The following IDE variants were observed in gnomAD, a reference collection of about 807,000 sequenced individuals.
The protein encoded by IDE is insulin degrading enzyme, also known as insulin-degrading enzyme.
Under a neutral mutation model 133.2 loss-of-function variants are expected in IDE, and 58 were observed. That is an observed-to-expected ratio of 0.44 (90% CI 0.35 to 0.54). IDE has a LOEUF of 0.54. Ranked by LOEUF, IDE falls within the 20% of genes least tolerant of loss-of-function variation. IDE has a pLI of 0.00. For synonymous variants in IDE, 396 were observed against 421.3 expected (o/e 0.94, Z 0.73); for missense variants, 981 against 1,234.0 (o/e 0.79, Z 3.07).
intron 6 of IDE, 31 bp downstream of exon 6, chr10:92,510,019 G>A: frequency 1.8e-6 from 2 of 1,093,722 alleles, no homozygotes; most frequent in African/African-American, 1.6e-5. Context: ...CATAAATTAA[G>A]AAGACAAAAT....
chr10:92,507,141 A>C (rs965319088), intron 9 of IDE, among the ~76,000 whole-genome samples: 2 of 152,154 alleles, frequency 1.3e-5, no homozygotes, highest in African/African-American at 2.4e-5. Flanking sequence ...CCATACATAC[A>C]ATAATAAAAT....
chr10:92,515,686 C>G (rs1179575316), intron 4 of IDE, among the ~76,000 whole-genome samples: 2 of 150,038 alleles, frequency 1.3e-5, no homozygotes. Flanking sequence ...CTCTGCCTCT[C>G]TAGTAGCTGG....
intron 8 of IDE, 44 bp from the exon 9 acceptor site, chr10:92,507,710 C>G (rs1306527127): frequency 2.8e-6 from 3 of 1,062,224 alleles, no homozygotes; most frequent in East Asian, 2.4e-5. Context: ...GTCCTTGAAT[C>G]CTTCAAAGCA....
chr10:92,567,080 G>T (rs1268130290), intron 1 of IDE, among the ~76,000 whole-genome samples: 1 of 152,122 alleles, frequency 6.6e-6, no homozygotes, highest in Non-Finnish European at 1.5e-5. Flanking sequence ...ATTCCCTTGG[G>T]TATTTAAGGA....
chr10:92,471,380 T>C (rs1488101460), intron 17 of IDE, among the ~76,000 whole-genome samples: 1 of 152,236 alleles, frequency 6.6e-6, no homozygotes, highest in Non-Finnish European at 1.5e-5. Context: ...ACAGATGTTA[T>C]CTTTCACACT....
At chr10:92,526,720 C>T (rs1211734830) in intron 4 of IDE, among the ~76,000 whole-genome samples, 1 of 151,708 alleles carries the variant, frequency 6.6e-6, no homozygotes, top group Non-Finnish European at 1.5e-5. Flanking sequence ...GTAGTGTGTG[C>T]GTGTAGTCTC....
intron 1 of IDE, among the ~76,000 whole-genome samples, chr10:92,543,560 T>C (rs1421024757): frequency 6.6e-6 from 1 of 152,216 alleles, no homozygotes; most frequent in Non-Finnish European, 1.5e-5. Flanking sequence ...TTTGCCTTTG[T>C]GCCAGGCAGA....
Position 92,506,500 on chromosome 10 carries a change from C to A in IDE, c.1268G>T (p.Arg423Met), listed in dbSNP as rs929965117. ...CCGTGGCCTCTCTTTGTCTTTAAAC[C>A]TAAAAGCAACAGCATTCAAGTCCTA... is the stretch of plus-strand genomic sequence containing the variant. Reference protein sequence around the residue: ...ECKDLNAVAFRFKDKERPRGY... With the variant: ...ECKDLNAVAFMFKDKERPRGY... Residue 423 changes from arginine to methionine, a missense_variant, in exon 10 of 25, where the codon AGG (arginine) becomes ATG (methionine). Coordinates refer to ENST00000265986, the MANE Select transcript of IDE (RefSeq NM_004969.4). 6.3e-7 allele frequency: 1 copy of A among 1,580,524 alleles called. No individual in the cohort carries two copies. Among genetic ancestry groups the A allele is most frequent in the Non-Finnish European group, 8.7e-7 (1 of 1,151,412 alleles).
chr10:92,498,650 G>A (rs564064655), intron 11 of IDE, among the ~76,000 whole-genome samples: 40 of 152,242 alleles, frequency 2.6e-4, no homozygotes, highest in African/African-American at 9.4e-4. Context: ...CCAGCTACTC[G>A]GGAGGCTGAG....
intron 1 of IDE, among the ~76,000 whole-genome samples, chr10:92,556,900 G>A (rs1458848257): frequency 1.4e-5 from 2 of 147,800 alleles, no homozygotes; most frequent in Non-Finnish European, 3.0e-5. Context: ...CTCCACCTGG[G>A]CTACAGAGTG....
intron 1 of IDE, among the ~76,000 whole-genome samples, chr10:92,553,733 G>GA (rs1015397579): frequency 1.8e-4 from 27 of 152,118 alleles, no homozygotes; most frequent in African/African-American, 6.3e-4. Context: ...GAAAAATCTA[G>GA]AAAAAATGGA....
chr10:92,502,466 C>A (rs1346075541), intron 11 of IDE, among the ~76,000 whole-genome samples: 1 of 151,948 alleles, frequency 6.6e-6, no homozygotes, highest in East Asian at 1.9e-4. Flanking sequence ...TATAGATATG[C>A]AGTTGATTTT....
chr10:92,485,105 T>TTTTC (rs202132611), intron 13 of IDE, among the ~76,000 whole-genome samples: 11 of 141,762 alleles, frequency 7.8e-5, no homozygotes, highest in South Asian at 2.2e-4. Context: ...GGTTGTTTCT[T>TTTTC]TTTCTTTCTT....
chr10:92,542,353 C>T (rs1842348925), intron 1 of IDE, among the ~76,000 whole-genome samples: 1 of 152,222 alleles, frequency 6.6e-6, no homozygotes, highest in Non-Finnish European at 1.5e-5. Context: ...CAGGGTTTCG[C>T]CATGCTGGCC....
At chr10:92,554,471 A>G (rs1842919693) in intron 1 of IDE, among the ~76,000 whole-genome samples, 1 of 151,578 alleles carries the variant, frequency 6.6e-6, no homozygotes, top group Non-Finnish European at 1.5e-5. Context: ...CTTGAGCCCA[A>G]GAGTTTAGGT....
At chr10:92,486,234 C>T (rs1460493174) in intron 13 of IDE, among the ~76,000 whole-genome samples, 1 of 151,980 alleles carries the variant, frequency 6.6e-6, no homozygotes, top group Admixed American at 6.6e-5. Context: ...CCTGTAATCC[C>T]AGCTACTTGG....
chr10:92,513,204 G>GT (rs1056444182), intron 5 of IDE, among the ~76,000 whole-genome samples: 1 of 151,930 alleles, frequency 6.6e-6, no homozygotes, highest in African/African-American at 2.4e-5. Flanking sequence ...GTTGTCGTTT[G>GT]TTTTTTGAGA....
rs1344807375 is a variant in IDE at position 92,453,507 on chromosome 10, G to T, written c.*937C>A. 2.0e-5 allele frequency: 3 copies of T among 152,130 alleles called. No homozygotes were observed. The East Asian group carries it at 5.8e-4, about 29-fold the overall frequency. The allele number at this position is 152,130 out of a possible 1,614,324, so 9.4% of individuals were successfully genotyped here. On this transcript the variant is annotated 3_prime_UTR_variant, in exon 25 of 25. Transcript: ENST00000265986. ...GGCTGCCTTTTAAATTCATAAAGGG[G>T]CAAGATATTTTGGTTCACATACTGA...
At chr10:92,529,666 G>A (rs957112709) in intron 4 of IDE, among the ~76,000 whole-genome samples, 6 of 151,838 alleles carry the variant, frequency 4.0e-5, no homozygotes, top group Non-Finnish European at 7.4e-5. Flanking sequence ...CTTGAGGCCA[G>A]GCGTTCAAGA....
Sources: allele counts gnomAD v4.1 joint callset (sites outside exome capture counted in the v4.1 genomes callset), GRCh38; gene constraint gnomAD v4.1.1; transcripts MANE v1.5; gene names NCBI Gene and HGNC (gene_info 2026-07-23, HGNC 2026-07-21).